Variants in NTMT2 observed in about 807,000 individuals in gnomAD.
The protein encoded by NTMT2 is N-terminal Xaa-Pro-Lys N-methyltransferase 2, also known as X-Pro-Lys N-terminal protein methyltransferase 1B.
A neutral mutation model predicts 23.4 loss-of-function variants in NTMT2; 21 were observed. The ratio of observed to expected loss-of-function variants is 0.90; its 90% CI spans 0.64 to 1.29. The LOEUF (loss-of-function observed/expected upper bound fraction) is 1.29, where lower values mean the gene tolerates loss of function less well. Among genes scored for constraint, NTMT2 ranks in the 50% most tolerant of loss-of-function variants. NTMT2 has a pLI of 0.00. For missense variants in NTMT2, 336 were observed against 352.0 expected, an observed-to-expected ratio of 0.95 and a Z score of 0.36; for synonymous variants, 131 against 127.7, an observed-to-expected ratio of 1.03 and a Z score of -0.17.
chr1:170,162,839 A>T (rs751222288), intron 2 of NTMT2, among the ~76,000 whole-genome samples: 1 of 150,286 alleles, frequency 6.7e-6, no homozygotes, highest in Non-Finnish European at 1.5e-5. Context: ...TGTCTCATGA[A>T]ACTGAAAAAA....
At chr1:170,163,152 GC>G (rs1255296289) in intron 2 of NTMT2, among the ~76,000 whole-genome samples, 1 of 152,248 alleles carries the variant, frequency 6.6e-6, no homozygotes, top group East Asian at 1.9e-4. Flanking sequence ...GAGGCAGCCT[GC>G]TCCTTTGAAA....
chr1:170,162,801 C>T (rs1336350203), intron 2 of NTMT2, among the ~76,000 whole-genome samples: 2 of 152,196 alleles, frequency 1.3e-5, no homozygotes, highest in Admixed American at 1.3e-4. Context: ...AAACTCTCTG[C>T]TCTTAACCAT....
chr1:170,147,619 T>G (rs1672991385), intron 1 of NTMT2, among the ~76,000 whole-genome samples: 1 of 152,206 alleles, frequency 6.6e-6, no homozygotes, highest in African/African-American at 2.4e-5. Context: ...GCATTGCTTT[T>G]CTGGAGACAC....
chr1:170,153,483 G>A (rs1249774508), intron 1 of NTMT2, among the ~76,000 whole-genome samples: 3 of 152,248 alleles, frequency 2.0e-5, no homozygotes, highest in South Asian at 4.1e-4. Flanking sequence ...AGGCCAGAAT[G>A]CTGAGATCTC....
In NTMT2 at chr1:170,167,518, C is replaced by G. The variant is rs763548960; in HGVS notation, c.613C>G (p.Leu205Val). 192 of 1,551,344 alleles carry G rather than the reference C, an allele frequency of 1.2e-4. No homozygotes were observed. The highest frequency in any genetic ancestry group is 1.6e-4 in the Non-Finnish European group (189 of 1,146,846). The change falls in exon 4 of 4, where the codon CTT becomes GTT. Residue 205 changes from leucine to valine, a missense_variant. Transcript: ENST00000439373. ...GACTGATAAGGACCTTCTTGCATTT[C>G]TTTCCCGGTGCCGAGATGGCCTGAA... ...HLTDKDLLAF[L>V]SRCRDGLKEN...
intron 1 of NTMT2, 51 bp downstream of exon 1, chr1:170,146,312 T>C (rs1161099367): frequency 1.2e-5 from 18 of 1,507,378 alleles, no homozygotes; most frequent in Non-Finnish European, 1.5e-5. Context: ...CTGATGGGAT[T>C]GCATGAGGTC....
At chr1:170,154,382 G>A (rs530059) in intron 1 of NTMT2, among the ~76,000 whole-genome samples, 151,999 of 152,286 alleles carry the variant, frequency 1, 75,857 homozygotes, top group Non-Finnish European at 1. Context: ...TCCAGACCTG[G>A]GAATGGCAGA....
chr1:170,158,157 G>C (rs776750045), intron 1 of NTMT2: 1 of 152,032 alleles, frequency 6.6e-6, no homozygotes, highest in African/African-American at 2.4e-5. Context: ...ATGAAGTTTA[G>C]TTTCCAAAAA....
At position 170,167,809 on chromosome 1, in the gene NTMT2, G is replaced by C. The variant is rs1003909314; in HGVS notation, c.*52G>C. The C allele has an allele frequency of 3.3e-6, 5 of 1,495,738 alleles. No individual in the cohort carries two copies. The Admixed American group carries it at 1.1e-4, about 33-fold the overall frequency. The allele number at this position is 1,495,738 out of a possible 1,614,324, so 92.7% of individuals were successfully genotyped here. ...CTGGGCAGTGGTGCTTTGGGATGGG[G>C]TTGCTATCCTTCCAGGTGCCCCTTG... On this transcript the variant is annotated 3_prime_UTR_variant, in exon 4 of 4. Transcript: ENST00000439373.
intron 1 of NTMT2, among the ~76,000 whole-genome samples, chr1:170,153,553 C>A (rs1031103871): frequency 6.6e-6 from 1 of 152,188 alleles, no homozygotes; most frequent in East Asian, 1.9e-4. Flanking sequence ...TATGCTTTAG[C>A]AAAGAGCTTA....
intron 1 of NTMT2, among the ~76,000 whole-genome samples, chr1:170,148,987 A>C (rs2102229302): frequency 6.6e-6 from 1 of 152,356 alleles, no homozygotes; most frequent in Non-Finnish European, 1.5e-5. Flanking sequence ...TCACTAGAAA[A>C]TGTTTCTGCT....
At chr1:170,159,852 A>G (rs1041482930) in intron 1 of NTMT2, among the ~76,000 whole-genome samples, 4 of 152,228 alleles carry the variant, frequency 2.6e-5, no homozygotes, top group African/African-American at 9.6e-5. Context: ...GTTGGAACAC[A>G]TATTTTTCTT....
intron 1 of NTMT2, among the ~76,000 whole-genome samples, chr1:170,156,813 T>A (rs1673172645): frequency 6.6e-6 from 1 of 151,978 alleles, no homozygotes; most frequent in Admixed American, 6.6e-5. Flanking sequence ...ACCTATTGAG[T>A]CTGACGCCTG....
chr1:170,163,339 T>C (rs1045296344), intron 2 of NTMT2, among the ~76,000 whole-genome samples: 4 of 152,246 alleles, frequency 2.6e-5, no homozygotes, highest in African/African-American at 9.6e-5. Context: ...GTATCTGACA[T>C]GACTTATTCT....
At chr1:170,165,788 G>T (rs2102242442) in intron 2 of NTMT2, among the ~76,000 whole-genome samples, 1 of 150,254 alleles carries the variant, frequency 6.7e-6, no homozygotes, top group South Asian at 2.1e-4. Context: ...CTGTGGATTT[G>T]TCTCAAATTT....
chr1:170,150,870 C>T (rs765675663), intron 1 of NTMT2, among the ~76,000 whole-genome samples: 6 of 152,082 alleles, frequency 3.9e-5, no homozygotes, highest in Non-Finnish European at 8.8e-5. Flanking sequence ...GTGTGTATAC[C>T]AGTGCTCAAA....
rs1019376042 is a variant in NTMT2 at position 170,167,335 on chromosome 1, T to G, written c.581-151T>G. On this transcript the variant is annotated intron_variant, in intron 3 of 3. Coordinates refer to ENST00000439373, the MANE Select transcript of NTMT2 (RefSeq NM_001136107.2). Reference sequence around the variant, plus strand: ...GAGGATATGTGTCCTCTTATCTAAATTTTCAAAGCCTCCTGTAACTAAATG... The same window carrying G: ...GAGGATATGTGTCCTCTTATCTAAAGTTTCAAAGCCTCCTGTAACTAAATG... The G allele has an allele frequency of 4.2e-6, 3 of 715,520 alleles. No homozygotes were observed. In the African/African-American group the frequency reaches 5.4e-5, roughly 13 times the overall value. 44.3% of individuals were successfully genotyped at this position (715,520 alleles called of 1,614,324 possible). A position where few individuals can be genotyped will look rare whatever the true frequency, so the allele number is the denominator to read the frequency against.
chr1:170,156,767 GA>G (rs1673172242), intron 1 of NTMT2, among the ~76,000 whole-genome samples: 1 of 151,708 alleles, frequency 6.6e-6, no homozygotes, highest in South Asian at 2.1e-4. Context: ...TCAATTAGGT[GA>G]AAATGAGAAC....
chr1:170,158,535 T>C (rs1342148201), intron 1 of NTMT2, among the ~76,000 whole-genome samples: 2 of 152,010 alleles, frequency 1.3e-5, no homozygotes, highest in African/African-American at 2.4e-5. Flanking sequence ...TTCTTACAGA[T>C]GTGCTCAAAT....
Sources: gnomAD v4.1 joint callset for allele counts (sites outside exome capture counted in the v4.1 genomes callset) on GRCh38, gnomAD v4.1.1 for gene constraint, MANE v1.5 for transcripts, NCBI Gene and HGNC (gene_info 2026-07-23, HGNC 2026-07-21) for gene names.